The following FARP2 variants were observed in gnomAD, a reference collection of about 807,000 sequenced individuals.
FARP2 encodes the protein FERM, ARHGEF and pleckstrin domain-containing protein 2.
FARP2 carries 111 observed loss-of-function variants against 130.5 expected under a neutral mutation model. The ratio of observed to expected loss-of-function variants is 0.85; its 90% CI spans 0.73 to 1.00. FARP2 has a LOEUF of 1.00. FARP2 is among the 50% of genes least tolerant of loss of function. The pLI, the probability that FARP2 is intolerant of heterozygous loss-of-function variation, is 0.00. For missense variants in FARP2, 1,385 were observed against 1,346.3 expected, an observed-to-expected ratio of 1.03 and a Z score of -0.45; for synonymous variants, 504 against 516.9, an observed-to-expected ratio of 0.98 and a Z score of 0.34.
At chr2:241,417,793 C>G (rs958267020) in intron 7 of FARP2, among the ~76,000 whole-genome samples, 169 bp from the exon 8 acceptor site, 5 of 152,222 alleles carry the variant, frequency 3.3e-5, no homozygotes, top group African/African-American at 2.4e-5. Context: ...CTTTGGCCTG[C>G]ACGTGTGGTA....
rs149001232 is a variant in FARP2, at chr2:241,437,963, C to G, written c.1158+1425C>G. Among the ~76,000 whole-genome samples the G allele has an allele frequency of 7.2e-5, 11 of 152,138 alleles. No homozygotes were observed. The East Asian group carries it at 1.9e-3, about 27-fold the overall frequency. On this transcript the variant is annotated intron_variant, in intron 12 of 26. Transcript: ENST00000264042. The stretch of plus-strand genomic sequence containing the variant: ...TACAGGCATGAGCCACCACGCCCAG[C>G]CGCCTGGCTGATTTTTGTGTTTTTT...
At chr2:241,399,658 C>T (rs2062117509) in intron 2 of FARP2, among the ~76,000 whole-genome samples, 1 of 152,098 alleles carries the variant, frequency 6.6e-6, no homozygotes, top group Admixed American at 6.6e-5. Flanking sequence ...TGTGGCTTGC[C>T]TTTTTCCTAT....
In FARP2 at chr2:241,486,602, G is replaced by C. The variant is rs59918139; in HGVS notation, c.2421+2271G>C. Among the ~76,000 whole-genome samples, 416 of 152,068 alleles carry C rather than the reference G, an allele frequency of 2.7e-3. 1 individual carries two copies. The highest frequency in any genetic ancestry group is 9.4e-3 in the African/African-American group (391 of 41,486). On this transcript the variant is annotated intron_variant, in intron 21 of 26. Coordinates refer to ENST00000264042, the MANE Select transcript of FARP2 (RefSeq NM_014808.4). ...CCACGGGCTGTTTTGTCAGGACACT[G>C]GTTTTCCTTTCCTTTCATGGCAGCC...
At chr2:241,428,038 T>C (rs992958623) in intron 8 of FARP2, among the ~76,000 whole-genome samples, 13 of 152,090 alleles carry the variant, frequency 8.5e-5, no homozygotes, top group African/African-American at 2.9e-4. Flanking sequence ...AGTGCTGGGA[T>C]TACAGGCATG....
chr2:241,491,697 C>A lies in FARP2; in HGVS notation c.2787+18C>A, dbSNP rs775734010. 2 of 1,575,662 alleles carry A rather than the reference C, an allele frequency of 1.3e-6. No individual in the cohort carries two copies. On this transcript the variant is annotated intron_variant, in intron 24 of 26. Transcript: ENST00000264042. ...CTGTCGAGGTACGACCGCATGAGCA[C>A]CACCTCAGTGCATCTGGAATGTTCC...
At position 241,459,845 on chromosome 2, in the gene FARP2, A is replaced by G. The variant is rs954493929; in HGVS notation, c.1588-2678A>G. 6.6e-6 allele frequency among the ~76,000 whole-genome samples: 1 copy of G among 150,834 alleles called. No individual in the cohort carries two copies. The highest frequency in any genetic ancestry group is 1.5e-5 in the Non-Finnish European group (1 of 67,712). ...GGGGCGGGGCGGGGGCAGGGGCGGG[A>G]CGGAAGACCCTTCTCTTGGCCAGTC... On this transcript the variant is annotated intron_variant, in intron 14 of 26. Coordinates refer to ENST00000264042, the MANE Select transcript of FARP2 (RefSeq NM_014808.4). The surrounding 1 kb of genome is among the most constrained non-coding windows in gnomAD (Gnocchi z 5.3).
chr2:241,481,042 T>TA (rs770971242), intron 19 of FARP2, among the ~76,000 whole-genome samples: 68 of 125,844 alleles, frequency 5.4e-4, no homozygotes, highest in Non-Finnish European at 7.6e-4. Flanking sequence ...AACATACTGA[T>TA]ACCTTGTCTC....
intron 13 of FARP2, among the ~76,000 whole-genome samples, chr2:241,447,450 G>A (rs1352089097): frequency 6.6e-6 from 1 of 152,152 alleles, no homozygotes; most frequent in African/African-American, 2.4e-5. Context: ...GGCAGAGCTG[G>A]GTGTCGGGGA....
chr2:241,491,239 G>C (rs1308917009), intron 23 of FARP2, 60 bp downstream of exon 23: 1 of 1,275,300 alleles, frequency 7.8e-7, no homozygotes, highest in East Asian at 2.3e-5. Flanking sequence ...GCTTTTTTTG[G>C]AAACTGTTTT....
At chr2:241,470,194 G>A (rs924219713) in intron 18 of FARP2, among the ~76,000 whole-genome samples, 4 of 152,250 alleles carry the variant, frequency 2.6e-5, no homozygotes, top group Non-Finnish European at 4.4e-5. Flanking sequence ...ACAAAAGGGA[G>A]TACATTTGTT....
chr2:241,462,726 G>C (rs1487074805), intron 15 of FARP2, 114 bp downstream of exon 15: 1 of 709,242 alleles, frequency 1.4e-6, no homozygotes, highest in East Asian at 2.7e-5. Flanking sequence ...GCCTCACTCT[G>C]TCACCCAGGC....
At chr2:241,457,444 G>T (rs2063884386) in intron 14 of FARP2, among the ~76,000 whole-genome samples, 1 of 131,912 alleles carries the variant, frequency 7.6e-6, no homozygotes, top group Non-Finnish European at 1.7e-5. Flanking sequence ...AAAGATCTGG[G>T]TGCTAAGGGA....
Position 241,491,573 on chromosome 2 carries a change from G to A in FARP2, c.2681G>A (p.Arg894His), listed in dbSNP as rs368369713. The A allele has an allele frequency of 7.6e-5, 122 of 1,613,640 alleles. No individual in the cohort carries two copies. Among genetic ancestry groups the A allele is most frequent in the Non-Finnish European group, 9.6e-5 (113 of 1,179,970 alleles). ...TCAGAAGATGATGCTCGGGGTGTCC[G>A]CAGCTCCCTGGAGGGGCATGGCCAG... Reference protein sequence around the residue: ...QESEDDARGVRSSLEGHGQHR... With the variant: ...QESEDDARGVHSSLEGHGQHR... The change falls in exon 24 of 27, where the codon CGC (arginine) becomes CAC (histidine). Residue 894 changes from arginine (R) to histidine (H), a missense_variant. Transcript: ENST00000264042.
chr2:241,393,572 T>C (rs2061960000), intron 2 of FARP2, among the ~76,000 whole-genome samples: 1 of 152,138 alleles, frequency 6.6e-6, no homozygotes, highest in Non-Finnish European at 1.5e-5. Context: ...GTAATGAAAC[T>C]TACAGTACAG....
In FARP2 at chr2:241,477,354, T is replaced by A. The variant is rs536054856; in HGVS notation, c.2262+1367T>A. On this transcript the variant is annotated intron_variant, in intron 19 of 26. Coordinates refer to ENST00000264042, the MANE Select transcript of FARP2 (RefSeq NM_014808.4). ...CATGTTGGCCAGGATGGTCTCAAGC[T>A]CTTGACCTTGTGATCCACCCACCTT... is the stretch of plus-strand genomic sequence containing the variant. Among the ~76,000 whole-genome samples, 112 of 152,222 alleles carry A rather than the reference T, an allele frequency of 7.4e-4. No individual in the cohort carries two copies. The South Asian group carries it at 0.011, about 16-fold the overall frequency.
intron 9 of FARP2, among the ~76,000 whole-genome samples, chr2:241,433,424 G>A (rs779500204): frequency 2.6e-5 from 4 of 152,210 alleles, no homozygotes; most frequent in Non-Finnish European, 4.4e-5. Context: ...GAGAGTGAAT[G>A]CAGTTCCTTC....
rs1028630098 is a variant in FARP2 at position 241,475,398 on chromosome 2, A to G, written c.2132-459A>G. ...CAGTCCAGTCCATAGCCTGTTAGGA[A>G]CCAGGCCACACGGCAGGAGGTGAGT... is the stretch of plus-strand genomic sequence containing the variant. On this transcript the variant is annotated intron_variant, in intron 18 of 26. Transcript: ENST00000264042. This position sits in a 1 kb window ranked among gnomAD's most constrained non-coding sequence, Gnocchi z 4.4. Among the ~76,000 whole-genome samples the G allele has an allele frequency of 6.6e-6, 1 of 152,220 alleles. No homozygotes were observed. The highest frequency in any genetic ancestry group is 1.5e-5 in the Non-Finnish European group (1 of 68,040).
chr2:241,420,517 C>G (rs2062779094), intron 8 of FARP2, among the ~76,000 whole-genome samples: 1 of 152,156 alleles, frequency 6.6e-6, no homozygotes, highest in South Asian at 2.1e-4. Flanking sequence ...CACTGTATTA[C>G]ATTTTCACAA....
chr2:241,405,891 A>G lies in FARP2; in HGVS notation c.331+1050A>G, dbSNP rs111757958. Among the ~76,000 whole-genome samples the G allele has an allele frequency of 6.6e-4, 100 of 151,878 alleles. 1 individual carries two copies. Among genetic ancestry groups the G allele is most frequent in the African/African-American group, 2.3e-3 (97 of 41,404 alleles). On this transcript the variant is annotated intron_variant, in intron 4 of 26. Transcript: ENST00000264042. ...GGAGGTTGCAGTGAGCCAAGATGAC[A>G]CCACTGCACTCCAGCCTGGGCAACA...
Sources: allele counts gnomAD v4.1 joint callset (sites outside exome capture counted in the v4.1 genomes callset), GRCh38; gene constraint gnomAD v4.1.1; non-coding constraint Gnocchi (gnomAD v3.1); transcripts MANE v1.5; gene names NCBI Gene and HGNC (gene_info 2026-07-23, HGNC 2026-07-21).